Variants in ANKS1A observed in about 807,000 individuals in gnomAD.
The protein encoded by ANKS1A is ankyrin repeat and sterile alpha motif domain containing 1A.
A neutral mutation model predicts 120.3 loss-of-function variants in ANKS1A; 55 were observed. The observed-to-expected ratio is 0.46, with a 90% CI of 0.37 to 0.57. The LOEUF (loss-of-function observed/expected upper bound fraction) is 0.57. ANKS1A is among the 20% of genes least tolerant of loss of function. ANKS1A has a pLI of 0.00. For missense variants in ANKS1A, 1,123 were observed against 1,480.3 expected, an observed-to-expected ratio of 0.76 and a Z score of 3.96; for synonymous variants, 590 against 604.7, an observed-to-expected ratio of 0.98 and a Z score of 0.36.
intron 11 of ANKS1A, among the ~76,000 whole-genome samples, chr6:35,041,053 C>A (rs968621560): frequency 1.3e-5 from 2 of 152,160 alleles, no homozygotes; most frequent in African/African-American, 4.8e-5. Flanking sequence ...GAGAGGTTTG[C>A]GGAAAATAGC....
chr6:34,994,574 G>A, intron 10 of ANKS1A, 152 bp downstream of exon 10: 1 of 1,213,470 alleles, frequency 8.2e-7, no homozygotes, highest in South Asian at 1.5e-5. Context: ...GTCCATTATG[G>A]CTTTTCATTT....
chr6:34,969,153 G>A (rs1771054731), intron 2 of ANKS1A, among the ~76,000 whole-genome samples: 1 of 152,136 alleles, frequency 6.6e-6, no homozygotes, highest in Non-Finnish European at 1.5e-5. Context: ...ACTGGTATGT[G>A]TTTAATTAGT....
chr6:35,083,648 G>C, intron 20 of ANKS1A, 145 bp downstream of exon 20: 1 of 759,292 alleles, frequency 1.3e-6, no homozygotes, highest in Non-Finnish European at 2.2e-6. Context: ...TTCCCACTTT[G>C]CTAAGAGGCG....
Position 35,083,364 on chromosome 6 carries a change from G to A in ANKS1A, c.2908-53G>A, listed in dbSNP as rs911942710. The A allele has an allele frequency of 2.5e-6, 4 of 1,600,080 alleles. No individual in the cohort carries two copies. The African/African-American group carries it at 5.4e-5, about 21-fold the overall frequency. On this transcript the variant is annotated intron_variant, in intron 19 of 23. Coordinates refer to ENST00000360359, the MANE Select transcript of ANKS1A (RefSeq NM_015245.3). ...GAAGCTGGGACCTGTGGAAGCCCAG[G>A]AGGCTTAGCCCTGAGAAGGGGCACT...
intron 3 of ANKS1A, among the ~76,000 whole-genome samples, chr6:34,971,505 C>T (rs1172991519): frequency 2.0e-5 from 3 of 152,178 alleles, no homozygotes; most frequent in African/African-American, 7.2e-5. Context: ...CCTTTCCTCT[C>T]TCTGCTCTGA....
intron 13 of ANKS1A, among the ~76,000 whole-genome samples, chr6:35,076,914 G>C (rs934761717): frequency 6.6e-6 from 1 of 152,158 alleles, no homozygotes; most frequent in African/African-American, 2.4e-5. Context: ...ACAGGGGTGA[G>C]CCACCGCGCC....
At chr6:35,080,464 G>A (rs1476636671) in intron 16 of ANKS1A, among the ~76,000 whole-genome samples, 2 of 152,188 alleles carry the variant, frequency 1.3e-5, no homozygotes, top group Non-Finnish European at 2.9e-5. Context: ...TAGAGCAGCC[G>A]CTCCCCGAGC....
At chr6:35,022,449 G>A (rs929505534) in intron 11 of ANKS1A, among the ~76,000 whole-genome samples, 2 of 152,194 alleles carry the variant, frequency 1.3e-5, no homozygotes, top group Admixed American at 6.5e-5. Flanking sequence ...TCTGAAAGAT[G>A]GCCTGGTTAA....
Position 34,962,789 on chromosome 6 carries a change from AAAAAC to A in ANKS1A, c.198-4431_198-4427del, listed in dbSNP as rs533409380. On this transcript the variant is annotated intron_variant, in intron 1 of 23. Transcript: ENST00000360359. ...GGGTGACAGAGCGAGACTCTGTCTC[AAAAAC>A]AAAACAAAACAAAACAAACAAACAA... 1.1e-3 allele frequency among the ~76,000 whole-genome samples: 165 copies of A among 151,992 alleles called. 1 individual carries two copies. The highest frequency in any genetic ancestry group is 1.8e-3 in the Non-Finnish European group (123 of 67,950).
At chr6:34,902,686 C>T (rs1286338887) in intron 1 of ANKS1A, among the ~76,000 whole-genome samples, 1 of 151,432 alleles carries the variant, frequency 6.6e-6, no homozygotes, top group Non-Finnish European at 1.5e-5. Flanking sequence ...GGCTGTAGTC[C>T]CAGCTACTCG....
intron 1 of ANKS1A, among the ~76,000 whole-genome samples, chr6:34,965,155 C>A (rs2127505791): frequency 6.6e-6 from 1 of 152,284 alleles, no homozygotes; most frequent in South Asian, 2.1e-4. Context: ...TGCACTTAAT[C>A]TACTCTCCTG....
intron 1 of ANKS1A, among the ~76,000 whole-genome samples, chr6:34,921,955 C>T (rs1768453464): frequency 6.6e-6 from 1 of 151,814 alleles, no homozygotes; most frequent in South Asian, 2.1e-4. Flanking sequence ...CTCAGCCTCT[C>T]AAGGTACTGG....
At chr6:35,080,056 G>A in intron 16 of ANKS1A, 128 bp downstream of exon 16, 2 of 1,034,750 alleles carry the variant, frequency 1.9e-6, no homozygotes, top group South Asian at 1.5e-5. Flanking sequence ...AAGAAGAGAG[G>A]AGTACAGGAG....
intron 1 of ANKS1A, among the ~76,000 whole-genome samples, chr6:34,943,311 T>A (rs1431608997): frequency 1.3e-5 from 2 of 152,174 alleles, no homozygotes; most frequent in African/African-American, 4.8e-5. Context: ...AGTTCCCATA[T>A]ACTTCTTCTC....
intron 1 of ANKS1A, among the ~76,000 whole-genome samples, chr6:34,939,711 T>C (rs899186382): frequency 7.9e-5 from 12 of 151,806 alleles, no homozygotes; most frequent in African/African-American, 2.9e-4. Context: ...AGATCCTGTC[T>C]CTTTCAAAAA....
intron 1 of ANKS1A, among the ~76,000 whole-genome samples, chr6:34,946,581 C>CT (rs1273491706): frequency 6.7e-6 from 1 of 148,834 alleles, no homozygotes; most frequent in African/African-American, 2.5e-5. Context: ...GAGCAAAACT[C>CT]TGTCTTGAAA....
intron 1 of ANKS1A, among the ~76,000 whole-genome samples, chr6:34,902,951 G>T (rs1487508580): frequency 6.6e-6 from 1 of 152,100 alleles, no homozygotes; most frequent in Non-Finnish European, 1.5e-5. Flanking sequence ...GAAAACTGAT[G>T]AAAATAGCAA....
intron 11 of ANKS1A, among the ~76,000 whole-genome samples, chr6:35,033,276 A>G (rs1200951786): frequency 1.3e-5 from 2 of 152,204 alleles, no homozygotes; most frequent in Admixed American, 6.5e-5. Context: ...ATGTTCCCAC[A>G]GGTCTCCAGA....
At position 35,039,192 on chromosome 6, in the gene ANKS1A, C is replaced by CTTTT. The variant is rs35565672; in HGVS notation, c.2011-14887_2011-14884dup. 1.4e-3 allele frequency among the ~76,000 whole-genome samples: 120 copies of CTTTT among 83,788 alleles called. 1 individual carries two copies. Among genetic ancestry groups the CTTTT allele is most frequent in the Non-Finnish European group, 1.7e-3 (77 of 46,510 alleles). The allele number at this position is 83,788 out of a possible 152,430, so 55.0% of individuals were successfully genotyped here. A position where few individuals can be genotyped will look rare whatever the true frequency, so the allele number is the denominator to read the frequency against. ...TGTCACCACAAAGATCTCCCTCATACTTTTTTTTTTTTTTTTTTTTTTTGA... is the reference window on the plus strand; with the variant it reads ...TGTCACCACAAAGATCTCCCTCATACTTTTTTTTTTTTTTTTTTTTTTTTTTTGA... On this transcript the variant is annotated intron_variant, in intron 11 of 23. Coordinates refer to ENST00000360359, the MANE Select transcript of ANKS1A (RefSeq NM_015245.3).
Sources: allele counts gnomAD v4.1 joint callset (sites outside exome capture counted in the v4.1 genomes callset), GRCh38; gene constraint gnomAD v4.1.1; transcripts MANE v1.5; gene names NCBI Gene and HGNC (gene_info 2026-07-23, HGNC 2026-07-21).